Variants in NRCAM observed in about 807,000 individuals in gnomAD.
NRCAM encodes neuronal cell adhesion molecule.
Under a neutral mutation model 156.5 loss-of-function variants are expected in NRCAM, and 83 were observed. The ratio of observed to expected loss-of-function variants is 0.53; its 90% CI spans 0.44 to 0.64. The LOEUF is 0.64. NRCAM is among the 30% of genes least tolerant of loss of function. NRCAM has a pLI of 0.00. For synonymous variants in NRCAM, 538 were observed against 563.9 expected (o/e 0.95, Z 0.65); for missense variants, 1,417 against 1,597.3 (o/e 0.89, Z 1.92).
At chr7:108,192,794 G>T (rs1411495511) in intron 17 of NRCAM, among the ~76,000 whole-genome samples, 1 of 152,090 alleles carries the variant, frequency 6.6e-6, no homozygotes, top group Non-Finnish European at 1.5e-5. Flanking sequence ...TAAATGCAAA[G>T]AATAATAATT....
At chr7:108,384,283 G>A (rs1216763826) in intron 2 of NRCAM, among the ~76,000 whole-genome samples, 4 of 151,878 alleles carry the variant, frequency 2.6e-5, no homozygotes, top group Non-Finnish European at 4.4e-5. Flanking sequence ...ATTTAAAAAA[G>A]AGGAGAGAAC....
chr7:108,175,719 A>C (rs999568119), intron 27 of NRCAM, among the ~76,000 whole-genome samples: 3 of 152,224 alleles, frequency 2.0e-5, no homozygotes, highest in Admixed American at 2.0e-4. Flanking sequence ...AATAATCCTT[A>C]AGCAACTCTA....
intron 1 of NRCAM, among the ~76,000 whole-genome samples, chr7:108,429,095 GACA>G (rs1383411879): frequency 1.3e-5 from 2 of 152,050 alleles, no homozygotes; most frequent in Non-Finnish European, 2.9e-5. Flanking sequence ...GTCCTTAATT[GACA>G]ACATTTAATT....
intron 1 of NRCAM, among the ~76,000 whole-genome samples, chr7:108,405,851 GCTCACGGCTGTAA>G (rs1343507830): frequency 6.6e-6 from 1 of 152,106 alleles, no homozygotes; most frequent in African/African-American, 2.4e-5. Flanking sequence ...GGGTGCAGTG[GCTCACGGCTGTAA>G]TCCCAGCACT....
At chr7:108,280,218 C>T (rs1375989092) in intron 3 of NRCAM, among the ~76,000 whole-genome samples, 4 of 152,204 alleles carry the variant, frequency 2.6e-5, no homozygotes, top group Non-Finnish European at 5.9e-5. Flanking sequence ...ATTATTCTTC[C>T]CAACAGGCGA....
intron 2 of NRCAM, chr7:108,313,089 T>C (rs908743015): frequency 6.6e-6 from 1 of 152,098 alleles, no homozygotes; most frequent in Non-Finnish European, 1.5e-5. Flanking sequence ...ATTATTTAAA[T>C]TTTTTTATTT....
intron 1 of NRCAM, among the ~76,000 whole-genome samples, chr7:108,443,384 C>G (rs1230625861): frequency 2.0e-5 from 3 of 152,172 alleles, no homozygotes; most frequent in African/African-American, 4.8e-5. Context: ...AATTAATATT[C>G]AAGTTGAATC....
chr7:108,194,500 T>C lies in NRCAM; in HGVS notation c.1464-72A>G, dbSNP rs1297873233. The C allele has an allele frequency of 5.7e-6, 6 of 1,047,710 alleles. No individual in the cohort carries two copies. The East Asian group carries it at 1.3e-4, about 22-fold the overall frequency. The allele number at this position is 1,047,710 out of a possible 1,614,324, so 64.9% of individuals were successfully genotyped here. ...TTGAAGTCAGACATAAAATGCCATGTTCAAGGTCAACATGACCATGATGAA... is the reference window on the plus strand; with the variant it reads ...TTGAAGTCAGACATAAAATGCCATGCTCAAGGTCAACATGACCATGATGAA... On this transcript the variant is annotated intron_variant, in intron 15 of 32. Transcript: ENST00000379028.
At chr7:108,370,084 TTGA>T (rs2099618802) in intron 2 of NRCAM, among the ~76,000 whole-genome samples, 2 of 152,290 alleles carry the variant, frequency 1.3e-5, no homozygotes, top group South Asian at 4.1e-4. Context: ...TTTTCTAGGC[TTGA>T]TGAAGAATTT....
At chr7:108,417,337 C>T (rs76241710) in intron 1 of NRCAM, among the ~76,000 whole-genome samples, 7,293 of 152,146 alleles carry the variant, frequency 0.048, 365 homozygotes, top group African/African-American at 0.13. Flanking sequence ...CATCTGGTGA[C>T]GACCTTGTAG....
At chr7:108,443,178 CT>C (rs35882909) in intron 1 of NRCAM, among the ~76,000 whole-genome samples, 121 of 149,578 alleles carry the variant, frequency 8.1e-4, no homozygotes, top group African/African-American at 2.1e-3. Context: ...ACAATTAGAC[CT>C]TTTTTTTTTG....
chr7:108,310,192 C>T (rs1168755140), intron 3 of NRCAM, among the ~76,000 whole-genome samples: 2 of 152,198 alleles, frequency 1.3e-5, no homozygotes, highest in African/African-American at 4.8e-5. Flanking sequence ...GCAGCCTGGG[C>T]ATTCTTCTTC....
At chr7:108,381,422 G>A (rs1232381747) in intron 2 of NRCAM, among the ~76,000 whole-genome samples, 1 of 152,132 alleles carries the variant, frequency 6.6e-6, no homozygotes, top group Non-Finnish European at 1.5e-5. Flanking sequence ...ACAATTTTGA[G>A]TATTGCTGTG....
intron 4 of NRCAM, among the ~76,000 whole-genome samples, chr7:108,238,098 T>C (rs1389471960): frequency 6.6e-6 from 1 of 152,194 alleles, no homozygotes; most frequent in Non-Finnish European, 1.5e-5. Context: ...TTATGTTCAA[T>C]TTGAAAAACA....
intron 3 of NRCAM, among the ~76,000 whole-genome samples, chr7:108,294,692 T>C (rs778212832): frequency 6.6e-6 from 1 of 152,230 alleles, no homozygotes; most frequent in Non-Finnish European, 1.5e-5. Context: ...ATTTGTGTGC[T>C]GTGAGGAGAG....
intron 1 of NRCAM, among the ~76,000 whole-genome samples, chr7:108,419,154 TC>T (rs1170351110): frequency 2.6e-5 from 4 of 152,192 alleles, no homozygotes; most frequent in Non-Finnish European, 5.9e-5. Context: ...AGTGCCCTCA[TC>T]CCCGTAACTG....
At chr7:108,185,833 T>C (rs868544377) in intron 20 of NRCAM, among the ~76,000 whole-genome samples, 1 of 151,728 alleles carries the variant, frequency 6.6e-6, no homozygotes, top group African/African-American at 2.4e-5. Context: ...AAGCAGGGTA[T>C]AGAATCGTGT....
intron 1 of NRCAM, among the ~76,000 whole-genome samples, chr7:108,426,744 T>C (rs7782059): frequency 0.9 from 136,874 of 152,272 alleles, 61,995 homozygotes; most frequent in East Asian, 1. Flanking sequence ...TTGGTATTAT[T>C]TGTTGTTTTT....
At chr7:108,247,070 C>A (rs1041454324) in intron 3 of NRCAM, among the ~76,000 whole-genome samples, 2 of 152,106 alleles carry the variant, frequency 1.3e-5, no homozygotes, top group Admixed American at 6.6e-5. Context: ...AGATGAGAGA[C>A]CATCCTGGAC....
Sources: allele counts gnomAD v4.1 joint callset (sites outside exome capture counted in the v4.1 genomes callset), GRCh38; gene constraint gnomAD v4.1.1; transcripts MANE v1.5; gene names NCBI Gene and HGNC (gene_info 2026-07-23, HGNC 2026-07-21).